Variants in PODXL observed in about 807,000 individuals in gnomAD.
PODXL encodes the protein podocalyxin like, also known as podocalyxin.
A neutral mutation model predicts 48.9 loss-of-function variants in PODXL; 20 were observed. The observed-to-expected ratio is 0.41, with a 90% CI of 0.29 to 0.59. The LOEUF is 0.59. Ranked by LOEUF, PODXL falls within the 20% of genes least tolerant of loss-of-function variation. The pLI is 0.31. For synonymous variants in PODXL, 295 were observed against 287.4 expected, an observed-to-expected ratio of 1.03 and a Z score of -0.27; for missense variants, 606 against 675.1, an observed-to-expected ratio of 0.90 and a Z score of 1.13.
Position 131,545,619 on chromosome 7 carries a change from T to C in PODXL, c.100+10641A>G, listed in dbSNP as rs199540233. Among the ~76,000 whole-genome samples the C allele has an allele frequency of 1.2e-4, 18 of 152,240 alleles. No homozygotes were observed. The East Asian group carries it at 3.3e-3, about 28-fold the overall frequency. ...GTTCCTCTCGATGTTCTACTAAATCTAGATCGATGTTCTACTAAAAAGAGG... is the reference window on the plus strand; with the variant it reads ...GTTCCTCTCGATGTTCTACTAAATCCAGATCGATGTTCTACTAAAAAGAGG... On this transcript the variant is annotated intron_variant, in intron 1 of 8. Coordinates refer to ENST00000378555, the MANE Select transcript of PODXL (RefSeq NM_001018111.3).
intron 3 of PODXL, 25 bp downstream of exon 3, chr7:131,510,211 A>G: frequency 2.2e-6 from 1 of 447,780 alleles, no homozygotes; most frequent in South Asian, 1.6e-5. Context: ...GTAAACAGGT[A>G]TCGGCCGGGC....
At chr7:131,509,277 G>A (rs557977925) in intron 4 of PODXL, 88 bp downstream of exon 4, 18 of 1,095,138 alleles carry the variant, frequency 1.6e-5, no homozygotes, top group Middle Eastern at 2.0e-4. Flanking sequence ...GGGGCCCTGC[G>A]TTGGAGGAAA....
At chr7:131,547,292 G>A (rs907779137) in intron 1 of PODXL, among the ~76,000 whole-genome samples, 1 of 142,252 alleles carries the variant, frequency 7.0e-6, no homozygotes, top group African/African-American at 2.6e-5. Flanking sequence ...AGAATCACTT[G>A]AACCCGGGAG....
chr7:131,545,086 AAG>A (rs1798551829), intron 1 of PODXL, among the ~76,000 whole-genome samples: 1 of 152,194 alleles, frequency 6.6e-6, no homozygotes. Flanking sequence ...CACAACAGGA[AAG>A]AGCCAGCCAC....
At chr7:131,551,850 T>C (rs1414277323) in intron 1 of PODXL, among the ~76,000 whole-genome samples, 4 of 150,136 alleles carry the variant, frequency 2.7e-5, no homozygotes. Flanking sequence ...GGCAGGAGAA[T>C]GGCGTGAACC....
At chr7:131,532,349 T>C (rs868243581) in intron 1 of PODXL, among the ~76,000 whole-genome samples, 9 of 149,290 alleles carry the variant, frequency 6.0e-5, no homozygotes, top group Middle Eastern at 3.6e-3. Flanking sequence ...GGCAGGAGAA[T>C]GGTGTGAACC....
intron 4 of PODXL, 155 bp from the exon 5 acceptor site, chr7:131,509,183 G>A (rs1183080692): frequency 1.2e-6 from 1 of 822,016 alleles, no homozygotes; most frequent in African/African-American, 1.7e-5. Flanking sequence ...CTGGCTGCGT[G>A]GCTTGAGGGC....
At chr7:131,530,915 G>A (rs928786677) in intron 1 of PODXL, among the ~76,000 whole-genome samples, 2 of 151,988 alleles carry the variant, frequency 1.3e-5, no homozygotes, top group Non-Finnish European at 2.9e-5. Context: ...AAAATTAGCT[G>A]GGCGTGGTGG....
chr7:131,536,554 C>T (rs1798376928), intron 1 of PODXL, among the ~76,000 whole-genome samples: 1 of 152,140 alleles, frequency 6.6e-6, no homozygotes, highest in Non-Finnish European at 1.5e-5. Flanking sequence ...AGAAGTCAGC[C>T]AGCAAAAAAG....
In PODXL at chr7:131,501,692, C is replaced by G. The variant is rs1208530556; in HGVS notation, c.*2619G>C. 6.6e-6 allele frequency: 1 copy of G among 152,168 alleles called. No individual in the cohort carries two copies. 9.4% of individuals were successfully genotyped at this position (152,168 alleles called of 1,614,324 possible). On this transcript the variant is annotated 3_prime_UTR_variant, in exon 9 of 9. Transcript: ENST00000378555. The stretch of plus-strand genomic sequence containing the variant: ...GATGATAAACTGTCTTTGCTACAAC[C>G]TGTTTAAGTCATGCTGAGCTTCTAG...
chr7:131,544,694 C>T (rs978162856), intron 1 of PODXL, among the ~76,000 whole-genome samples: 5 of 152,122 alleles, frequency 3.3e-5, no homozygotes, highest in South Asian at 2.1e-4. Context: ...GCAGTGCCCC[C>T]GGGGCAGGAT....
Position 131,505,927 on chromosome 7 carries a change from G to C in PODXL, c.1420C>G (p.Leu474Val). ...CAGCCATAGAGGGCCGCCACGAGGA[G>C]CAGGAATGATGCCATGCAGACGATG... Reference protein sequence around the residue: ...ITIVCMASFLLLVAALYGCCH... With the variant: ...ITIVCMASFLVLVAALYGCCH... The change falls in exon 8 of 9, where the codon CTC becomes GTC. Residue 474 changes from leucine to valine, a missense_variant. Leu to Val is a conservative substitution (Grantham distance 32). Coordinates refer to ENST00000378555, the MANE Select transcript of PODXL (RefSeq NM_001018111.3). 2 of 1,596,904 alleles carry C rather than the reference G, an allele frequency of 1.3e-6. No individual in the cohort carries two copies. The highest frequency in any genetic ancestry group is 1.7e-6 in the Non-Finnish European group (2 of 1,172,330).
rs575795462 is a variant in PODXL at position 131,542,393 on chromosome 7, C to T, written c.100+13867G>A. ...AAGGGAGGCTGGCTGCGGTGACTCACGCCTGTAATCCCAGCACTTTGGGAG... is the reference window on the plus strand; with the variant it reads ...AAGGGAGGCTGGCTGCGGTGACTCATGCCTGTAATCCCAGCACTTTGGGAG... On this transcript the variant is annotated intron_variant, in intron 1 of 8. Transcript: ENST00000378555. Among the ~76,000 whole-genome samples the T allele has an allele frequency of 2.8e-4, 42 of 152,328 alleles. No individual in the cohort carries two copies. In the South Asian group the frequency reaches 3.7e-3, roughly 14 times the overall value.
chr7:131,510,145 T>C, intron 3 of PODXL, 91 bp downstream of exon 3: 1 of 418,734 alleles, frequency 2.4e-6, no homozygotes, highest in Non-Finnish European at 4.7e-6. Flanking sequence ...AGGTAGATTT[T>C]GAAATTGATT....
chr7:131,506,129 G>A (rs1797796289), intron 7 of PODXL, 94 bp from the exon 8 acceptor site: 5 of 1,549,068 alleles, frequency 3.2e-6, no homozygotes, highest in Non-Finnish European at 3.5e-6. Flanking sequence ...AGTCTGCTAG[G>A]GTCCGTGCCG....
chr7:131,524,206 C>T (rs1383178179), intron 1 of PODXL, among the ~76,000 whole-genome samples: 2 of 152,068 alleles, frequency 1.3e-5, no homozygotes, highest in Non-Finnish European at 2.9e-5. Flanking sequence ...AGTGACGTCT[C>T]CAAATAAACC....
intron 8 of PODXL, among the ~76,000 whole-genome samples, chr7:131,505,551 G>A (rs1006968028): frequency 6.6e-6 from 1 of 152,174 alleles, no homozygotes; most frequent in African/African-American, 2.4e-5. Context: ...GGAGGCTGAG[G>A]CACAAGAATC....
chr7:131,508,090 CAGTT>C (rs763732962), intron 5 of PODXL, among the ~76,000 whole-genome samples: 46 of 152,208 alleles, frequency 3.0e-4, no homozygotes, highest in Non-Finnish European at 5.7e-4. Context: ...CCGCGCTCGG[CAGTT>C]ATTTACTGAG....
At chr7:131,547,978 G>T (rs1798609373) in intron 1 of PODXL, among the ~76,000 whole-genome samples, 1 of 152,248 alleles carries the variant, frequency 6.6e-6, no homozygotes, top group Non-Finnish European at 1.5e-5. Context: ...GCCAGTGGGG[G>T]AACCCAGGTC....
Sources: allele counts gnomAD v4.1 joint callset (sites outside exome capture counted in the v4.1 genomes callset), GRCh38; gene constraint gnomAD v4.1.1; transcripts MANE v1.5; gene names NCBI Gene and HGNC (gene_info 2026-07-23, HGNC 2026-07-21).